SPATA16: variants seen among roughly 807,000 people sequenced by gnomAD.
The protein encoded by SPATA16 is spermatogenesis-associated protein 16.
SPATA16 carries 36 observed loss-of-function variants against 63.3 expected under a neutral mutation model. The observed-to-expected ratio is 0.57, with a 90% CI of 0.44 to 0.75. SPATA16 has a LOEUF of 0.75. SPATA16 is among the 30% of genes least tolerant of loss of function. The pLI is 0.00. For missense variants in SPATA16, 646 were observed against 679.3 expected (o/e 0.95, Z 0.54); for synonymous variants, 203 against 216.7 (o/e 0.94, Z 0.56).
At chr3:172,939,255 C>A (rs1733088426) in intron 6 of SPATA16, among the ~76,000 whole-genome samples, 1 of 152,106 alleles carries the variant, frequency 6.6e-6, no homozygotes, top group Non-Finnish European at 1.5e-5. Flanking sequence ...TGGTGCCCTG[C>A]AAATAAAGCC....
At chr3:173,036,037 C>T (rs1046278271) in intron 3 of SPATA16, among the ~76,000 whole-genome samples, 4 of 151,574 alleles carry the variant, frequency 2.6e-5, no homozygotes, top group African/African-American at 9.7e-5. Context: ...AAGAAGTATG[C>T]ATCAAGCACT....
chr3:173,088,828 G>A (rs547388119), intron 2 of SPATA16, among the ~76,000 whole-genome samples: 1 of 152,302 alleles, frequency 6.6e-6, no homozygotes, highest in South Asian at 2.1e-4. Flanking sequence ...AAAGCCTACT[G>A]TGTTGTAGGA....
In SPATA16 at chr3:172,963,489, A is replaced by G. The variant is rs1733837572; in HGVS notation, c.934-6665T>C. ...TTTAAAGTATTTAATTTAGTTTTGTAGTGTGTTACTGCTATATAATTTTAG... is the reference window on the plus strand; with the variant it reads ...TTTAAAGTATTTAATTTAGTTTTGTGGTGTGTTACTGCTATATAATTTTAG... On this transcript the variant is annotated intron_variant, in intron 5 of 10. Transcript: ENST00000351008. Among the ~76,000 whole-genome samples, 4 of 151,966 alleles carry G rather than the reference A, an allele frequency of 2.6e-5. No individual in the cohort carries two copies. The South Asian group carries it at 8.3e-4, about 31-fold the overall frequency.
chr3:173,024,310 G>T (rs2108279599), intron 3 of SPATA16, among the ~76,000 whole-genome samples: 1 of 151,086 alleles, frequency 6.6e-6, no homozygotes, highest in African/African-American at 2.4e-5. Context: ...AAATTTTTTA[G>T]AAAAAGAATT....
intron 1 of SPATA16, among the ~76,000 whole-genome samples, chr3:173,127,368 T>C (rs1738251892): frequency 1.3e-5 from 2 of 152,252 alleles, no homozygotes; most frequent in Non-Finnish European, 2.9e-5. Flanking sequence ...GATGTTAACA[T>C]TGATATGATA....
intron 2 of SPATA16, among the ~76,000 whole-genome samples, chr3:173,050,808 C>T (rs1237981002): frequency 6.6e-6 from 1 of 152,134 alleles, no homozygotes; most frequent in African/African-American, 2.4e-5. Context: ...GGAAGATACA[C>T]TGGAAATGAC....
intron 2 of SPATA16, among the ~76,000 whole-genome samples, chr3:173,072,334 G>A (rs1326341845): frequency 4.6e-5 from 7 of 152,150 alleles, no homozygotes; most frequent in Non-Finnish European, 5.9e-5. Context: ...AATACTGCCT[G>A]TTCCCACTAA....
At position 172,916,447 on chromosome 3, in the gene SPATA16, T is replaced by G. The variant is rs769131448; in HGVS notation, c.1373A>C (p.Lys458Thr). Residue 458 changes from lysine (K) to threonine (T), a missense_variant, in exon 9 of 11, where the codon AAG (lysine) becomes ACG (threonine). Lys to Thr is a moderately conservative substitution (Grantham distance 78). Coordinates refer to ENST00000351008, the MANE Select transcript of SPATA16 (RefSeq NM_031955.6). Reference sequence around the variant, plus strand: ...GCTGAGGAGGCTGGCATATTGCAACTTCTCCATCACACCTGAGGATGCAGG... The same window carrying G: ...GCTGAGGAGGCTGGCATATTGCAACGTCTCCATCACACCTGAGGATGCAGG... ...SFPASSGVME[K>T]LQYASLLSQL... The G allele has an allele frequency of 1.9e-5, 31 of 1,613,708 alleles. No homozygotes were observed. The highest frequency in any genetic ancestry group is 3.3e-5 in the Admixed American group (2 of 59,990).
intron 5 of SPATA16, among the ~76,000 whole-genome samples, chr3:172,973,379 G>C (rs1734089297): frequency 6.6e-6 from 1 of 152,154 alleles, no homozygotes; most frequent in Admixed American, 6.5e-5. Flanking sequence ...ATTAAGGTAG[G>C]GGATGAGCTG....
At chr3:173,095,276 C>A (rs1194860066) in intron 2 of SPATA16, among the ~76,000 whole-genome samples, 3 of 152,056 alleles carry the variant, frequency 2.0e-5, no homozygotes, top group African/African-American at 4.8e-5. Context: ...AGTACACAAA[C>A]AAAGAAGCAC....
At chr3:172,995,364 T>TA (rs112471798) in intron 4 of SPATA16, among the ~76,000 whole-genome samples, 10 of 152,166 alleles carry the variant, frequency 6.6e-5, no homozygotes, top group African/African-American at 2.2e-4. Flanking sequence ...TTCTTGGGGC[T>TA]AATACAATTG....
intron 10 of SPATA16, among the ~76,000 whole-genome samples, chr3:172,906,612 G>A (rs1349502486): frequency 6.6e-6 from 1 of 152,168 alleles, no homozygotes; most frequent in East Asian, 1.9e-4. Context: ...GGCTGTTTCA[G>A]GCAGCACAAA....
chr3:172,916,559 T>C (rs1732494035), intron 8 of SPATA16, 78 bp from the exon 9 acceptor site: 1 of 1,431,888 alleles, frequency 7.0e-7, no homozygotes, highest in Admixed American at 1.7e-5. Context: ...AGTCAGGGCT[T>C]GTGATAACGT....
At chr3:172,978,157 C>CTA (rs1350780637) in intron 4 of SPATA16, among the ~76,000 whole-genome samples, 2,444 of 148,632 alleles carry the variant, frequency 0.016, 22 homozygotes, top group Middle Eastern at 0.024. Flanking sequence ...CTCTCTCTCT[C>CTA]TCTCTATATA....
At chr3:173,045,307 G>A (rs1037285171) in intron 3 of SPATA16, among the ~76,000 whole-genome samples, 6 of 152,106 alleles carry the variant, frequency 3.9e-5, no homozygotes, top group Non-Finnish European at 8.8e-5. Flanking sequence ...AAAATAAACC[G>A]AACAAAAAGC....
intron 9 of SPATA16, among the ~76,000 whole-genome samples, chr3:172,915,964 T>A (rs944297347): frequency 6.6e-6 from 1 of 152,208 alleles, no homozygotes; most frequent in African/African-American, 2.4e-5. Context: ...TCTCACTTTT[T>A]CATAAAAGAG....
chr3:172,898,410 G>T (rs1732053757), intron 10 of SPATA16, among the ~76,000 whole-genome samples: 1 of 151,904 alleles, frequency 6.6e-6, no homozygotes, highest in Non-Finnish European at 1.5e-5. Flanking sequence ...TAGTTATAGG[G>T]TTAATGAAAC....
chr3:172,920,464 G>A (rs564123648), intron 8 of SPATA16, among the ~76,000 whole-genome samples: 150 of 152,330 alleles, frequency 9.8e-4, no homozygotes, highest in African/African-American at 3.5e-3. Context: ...AGAGTGTTTT[G>A]TTAGCTTTAG....
intron 2 of SPATA16, among the ~76,000 whole-genome samples, chr3:173,090,817 C>T (rs191575579): frequency 7.9e-5 from 12 of 152,264 alleles, no homozygotes; most frequent in Admixed American, 2.6e-4. Flanking sequence ...AAAGTAGAGA[C>T]GGTGCTTTAC....
Sources: gnomAD v4.1 joint callset for allele counts (sites outside exome capture counted in the v4.1 genomes callset) on GRCh38, gnomAD v4.1.1 for gene constraint, MANE v1.5 for transcripts, NCBI Gene and HGNC (gene_info 2026-07-23, HGNC 2026-07-21) for gene names.